CDKL1: variants seen among roughly 807,000 people sequenced by gnomAD.
CDKL1 encodes the protein cyclin dependent kinase like 1.
A neutral mutation model predicts 42.0 loss-of-function variants in CDKL1; 41 were observed. The ratio of observed to expected loss-of-function variants is 0.98; its 90% CI spans 0.76 to 1.27. The LOEUF (loss-of-function observed/expected upper bound fraction) is 1.27. Among genes scored for constraint, CDKL1 ranks in the 50% most tolerant of loss-of-function variants. The pLI is 0.00. For synonymous variants in CDKL1, 153 were observed against 158.6 expected, an observed-to-expected ratio of 0.96 and a Z score of 0.26; for missense variants, 394 against 428.4, an observed-to-expected ratio of 0.92 and a Z score of 0.71.
chr14:50,341,203 C>T lies in CDKL1; in HGVS notation c.484G>A (p.Val162Met), dbSNP rs748998497. The T allele has an allele frequency of 5.6e-6, 9 of 1,613,916 alleles. No individual in the cohort carries two copies. The highest frequency in any genetic ancestry group is 6.8e-6 in the Non-Finnish European group (8 of 1,179,936). ...GGGGAGCGGTACCACCTGGTAGCCA[C>T]GTAGTCTGTATAGTAGTCACTCGGT... ...TGPSDYYTDY[V>M]ATRWYRSPEL... Residue 162 changes from valine to methionine, a missense_variant, in exon 6 of 10, where the codon GTG (valine) becomes ATG (methionine). Transcript: ENST00000395834.
chr14:50,365,948 G>A (rs2034426221), intron 2 of CDKL1, among the ~76,000 whole-genome samples: 1 of 152,170 alleles, frequency 6.6e-6, no homozygotes, highest in Admixed American at 6.5e-5. Flanking sequence ...GGTTTGCCAC[G>A]GGCTCTCCGG....
chr14:50,345,244 T>C (rs143489612), intron 3 of CDKL1, among the ~76,000 whole-genome samples, 186 bp from the exon 4 acceptor site: 1 of 152,244 alleles, frequency 6.6e-6, no homozygotes, highest in East Asian at 1.9e-4. Flanking sequence ...ACCGCTGAAG[T>C]CTAGGGAGAA....
chr14:50,331,694 G>A (rs1344875196), intron 9 of CDKL1: 2 of 261,456 alleles, frequency 7.6e-6, no homozygotes, highest in Non-Finnish European at 1.4e-5. Context: ...CTTATCACAA[G>A]ATGCTTAATG....
At chr14:50,375,460 A>T (rs2034702837) in intron 2 of CDKL1, among the ~76,000 whole-genome samples, 1 of 152,224 alleles carries the variant, frequency 6.6e-6, no homozygotes, top group Non-Finnish European at 1.5e-5. Context: ...CCTTCCAAAC[A>T]GCATAGAATA....
intron 2 of CDKL1, chr14:50,378,489 C>T: frequency 2.3e-6 from 3 of 1,321,856 alleles, no homozygotes; most frequent in Non-Finnish European, 3.0e-6. Flanking sequence ...TAACTTGGGA[C>T]TTAATTCTTG....
At chr14:50,359,218 A>G in intron 2 of CDKL1, 69 bp from the exon 3 acceptor site, 1 of 1,526,918 alleles carries the variant, frequency 6.5e-7, no homozygotes, top group Non-Finnish European at 8.9e-7. Context: ...TCTTGATCCA[A>G]TAAAAAGTAA....
At chr14:50,390,210 T>C in intron 2 of CDKL1, 1 of 1,364,940 alleles carries the variant, frequency 7.3e-7, no homozygotes, top group Non-Finnish European at 9.8e-7. Flanking sequence ...TCATAGACAA[T>C]GTCCCAGCTG....
chr14:50,388,731 G>T (rs1265226151), intron 2 of CDKL1, among the ~76,000 whole-genome samples: 1 of 152,140 alleles, frequency 6.6e-6, no homozygotes, highest in Non-Finnish European at 1.5e-5. Context: ...AAATCATAGC[G>T]ATAAGGCACG....
chr14:50,355,922 G>C (rs1321147421), intron 3 of CDKL1, among the ~76,000 whole-genome samples: 2 of 152,224 alleles, frequency 1.3e-5, no homozygotes, highest in Admixed American at 6.5e-5. Flanking sequence ...TGGGGTGGTA[G>C]AGTGAGTAAG....
intron 2 of CDKL1, chr14:50,378,105 A>C (rs1395369773): frequency 3.0e-5 from 39 of 1,292,372 alleles, no homozygotes; most frequent in Non-Finnish European, 3.9e-5. Flanking sequence ...TGAAATTCTC[A>C]AATTTCCCTG....
chr14:50,383,149 C>G (rs12892108), intron 2 of CDKL1, among the ~76,000 whole-genome samples: 125,935 of 151,736 alleles, frequency 0.83, 52,727 homozygotes, highest in African/African-American at 0.93. Flanking sequence ...AGGAGGTCTC[C>G]ATCTCCTGAC....
chr14:50,329,915 A>C lies in CDKL1; in HGVS notation c.*159T>G. ...TCAAGCATGGAAGACTGGATCTGGAATTTCCCTTCATATCTTGCCAGTTGG... is the reference window on the plus strand; with the variant it reads ...TCAAGCATGGAAGACTGGATCTGGACTTTCCCTTCATATCTTGCCAGTTGG... On this transcript the variant is annotated 3_prime_UTR_variant, in exon 10 of 10. Transcript: ENST00000395834. 3 of 807,334 alleles carry C rather than the reference A, an allele frequency of 3.7e-6. No individual in the cohort carries two copies. Among genetic ancestry groups the C allele is most frequent in the African/African-American group, 1.8e-5 (1 of 56,220 alleles). The allele number at this position is 807,334 out of a possible 1,614,324, so 50.0% of individuals were successfully genotyped here.
intron 8 of CDKL1, 30 bp from the exon 9 acceptor site, chr14:50,332,462 C>T (rs1282497480): frequency 6.4e-7 from 1 of 1,572,750 alleles, no homozygotes; most frequent in African/African-American, 1.4e-5. Flanking sequence ...CTTCTTCTTA[C>T]TTCTTCAAAA....
intron 9 of CDKL1, chr14:50,331,791 A>G: frequency 1.9e-6 from 1 of 533,726 alleles, no homozygotes; most frequent in Non-Finnish European, 3.3e-6. Flanking sequence ...TATTCAGCTG[A>G]TACCACCAAA....
chr14:50,357,877 CACCA>C (rs951897943), intron 3 of CDKL1: 4 of 391,308 alleles, frequency 1.0e-5, no homozygotes, highest in African/African-American at 8.5e-5. Context: ...CTCCCAAATC[CACCA>C]TATAAGGGAA....
At chr14:50,389,215 G>A (rs1438235462) in intron 2 of CDKL1, among the ~76,000 whole-genome samples, 1 of 151,752 alleles carries the variant, frequency 6.6e-6, no homozygotes, top group African/African-American at 2.4e-5. Flanking sequence ...GGGGACAGCA[G>A]GGAAAAAAGG....
chr14:50,385,869 A>C (rs1414197938), intron 2 of CDKL1, among the ~76,000 whole-genome samples: 1 of 151,860 alleles, frequency 6.6e-6, no homozygotes, highest in African/African-American at 2.4e-5. Context: ...ATTTAAAAAT[A>C]ACTATACACA....
At chr14:50,375,927 C>T (rs990797545) in intron 2 of CDKL1, among the ~76,000 whole-genome samples, 1 of 152,078 alleles carries the variant, frequency 6.6e-6, no homozygotes, top group African/African-American at 2.4e-5. Flanking sequence ...GGACATTCTA[C>T]AAAATATGTG....
chr14:50,360,884 T>G (rs1952776475), intron 2 of CDKL1, among the ~76,000 whole-genome samples: 1 of 152,030 alleles, frequency 6.6e-6, no homozygotes, highest in African/African-American at 2.4e-5. Flanking sequence ...GTAGCAAGGT[T>G]GAGCATGAAT....
Sources: allele counts gnomAD v4.1 joint callset (sites outside exome capture counted in the v4.1 genomes callset), GRCh38; gene constraint gnomAD v4.1.1; transcripts MANE v1.5; gene names NCBI Gene and HGNC (gene_info 2026-07-23, HGNC 2026-07-21).